CAMK2A: variants seen among roughly 807,000 people sequenced by gnomAD.
The protein encoded by CAMK2A is calcium/calmodulin dependent protein kinase II alpha.
A neutral mutation model predicts 79.2 loss-of-function variants in CAMK2A; 7 were observed. The observed-to-expected ratio is 0.09, with a 90% CI of 0.05 to 0.17. CAMK2A has a LOEUF of 0.17. Ranked by LOEUF, CAMK2A falls within the 10% of genes least tolerant of loss-of-function variation. The probability of loss-of-function intolerance (pLI) is 1.00; values close to 1 mark genes in which losing one functional copy is unlikely to be tolerated. For synonymous variants in CAMK2A, 242 were observed against 251.7 expected (o/e 0.96, Z 0.36); for missense variants, 214 against 646.4 (o/e 0.33, Z 7.25).
rs151010725 is a variant in CAMK2A, at chr5:150,286,104, G to A, written c.62+3460C>T. On this transcript the variant is annotated intron_variant, in intron 1 of 18. Transcript: ENST00000671881. ...CTGAACCCTGGAGCTGGTGCAGCAC[G>A]CCTCCTGCAAGCTTCGGTGCCGCTA... Among the ~76,000 whole-genome samples the A allele has an allele frequency of 3.6e-3, 548 of 152,260 alleles. 2 individuals are homozygous for A. The highest frequency in any genetic ancestry group is 0.011 in the African/African-American group (469 of 41,540).
chr5:150,244,561 G>A (rs998580415), intron 13 of CAMK2A, among the ~76,000 whole-genome samples: 1 of 152,272 alleles, frequency 6.6e-6, no homozygotes, highest in African/African-American at 2.4e-5. Context: ...ACCGCAGGAT[G>A]TGGAGGGACC....
At chr5:150,262,521 C>A (rs1215285420) in intron 3 of CAMK2A, among the ~76,000 whole-genome samples, 1 of 152,156 alleles carries the variant, frequency 6.6e-6, no homozygotes, top group Non-Finnish European at 1.5e-5. Context: ...ATCGCCACCA[C>A]CCCCACTCCC....
chr5:150,234,557 C>T (rs557897096), intron 15 of CAMK2A, among the ~76,000 whole-genome samples: 2 of 152,138 alleles, frequency 1.3e-5, no homozygotes, highest in African/African-American at 2.4e-5. Context: ...GTTGCTGTTC[C>T]GAGTCCTTTA....
chr5:150,231,410 T>C (rs1003391681), intron 15 of CAMK2A, 30 bp from the exon 16 acceptor site: 1 of 236,340 alleles, frequency 4.2e-6, no homozygotes, highest in Non-Finnish European at 6.7e-6. Context: ...ACAGAAATAA[T>C]AATAATAATA....
chr5:150,269,193 A>G (rs962551112), intron 2 of CAMK2A, among the ~76,000 whole-genome samples: 2 of 152,194 alleles, frequency 1.3e-5, no homozygotes, highest in African/African-American at 2.4e-5. Flanking sequence ...GCTTTCCCCA[A>G]TGCCCATGAT....
chr5:150,271,593 G>A lies in CAMK2A; in HGVS notation c.157+1472C>T, dbSNP rs192724025. Among the ~76,000 whole-genome samples the A allele has an allele frequency of 1.8e-4, 27 of 152,176 alleles. No individual in the cohort carries two copies. In the East Asian group the frequency reaches 3.1e-3, roughly 17 times the overall value. ...GCCAGCCCCTCACACAACATCTCCCGCACTGCACAAACCATGGATTGTACA... is the reference window on the plus strand; with the variant it reads ...GCCAGCCCCTCACACAACATCTCCCACACTGCACAAACCATGGATTGTACA... On this transcript the variant is annotated intron_variant, in intron 2 of 18. Coordinates refer to ENST00000671881, the MANE Select transcript of CAMK2A (RefSeq NM_015981.4).
chr5:150,282,591 T>C (rs1024765507), intron 1 of CAMK2A, among the ~76,000 whole-genome samples: 1 of 152,176 alleles, frequency 6.6e-6, no homozygotes, highest in African/African-American at 2.4e-5. Context: ...GGACAGACAC[T>C]GGAGTGTCCA....
intron 1 of CAMK2A, among the ~76,000 whole-genome samples, chr5:150,275,254 C>T (rs555224671): frequency 8.5e-4 from 130 of 152,364 alleles, no homozygotes; most frequent in African/African-American, 3.0e-3. Context: ...CAGCAAGACC[C>T]CAGTCCCCTC....
At chr5:150,245,354 C>T (rs950297467) in intron 12 of CAMK2A, 153 bp from the exon 13 acceptor site, 27 of 574,600 alleles carry the variant, frequency 4.7e-5, no homozygotes, top group Non-Finnish European at 7.5e-5. Flanking sequence ...TCCTCCTCCT[C>T]CTCCTCCTCC....
chr5:150,276,160 G>C (rs777609000), intron 1 of CAMK2A, among the ~76,000 whole-genome samples: 2 of 152,136 alleles, frequency 1.3e-5, no homozygotes, highest in Non-Finnish European at 2.9e-5. Context: ...AAATTACAAG[G>C]GTTTGGGGAG....
At chr5:150,238,822 T>C (rs1047639541) in intron 14 of CAMK2A, 74 bp from the exon 15 acceptor site, 17 of 1,318,848 alleles carry the variant, frequency 1.3e-5, no homozygotes, top group Non-Finnish European at 1.8e-5. Context: ...CCTGGCTGCC[T>C]GGTGACGCGG....
chr5:150,266,634 G>A (rs906952114), intron 2 of CAMK2A, among the ~76,000 whole-genome samples: 2 of 152,112 alleles, frequency 1.3e-5, no homozygotes, highest in African/African-American at 4.8e-5. Context: ...ATCCCGCAGT[G>A]AGCAGTGGAG....
intron 2 of CAMK2A, among the ~76,000 whole-genome samples, chr5:150,267,936 C>T (rs1010904395): frequency 6.7e-6 from 1 of 149,774 alleles, no homozygotes; most frequent in African/African-American, 2.5e-5. Context: ...TGCAGTGACT[C>T]GATCTTGGCT....
Position 150,247,759 on chromosome 5 carries a change from TC to T in CAMK2A, c.943+12del. On this transcript the variant is annotated intron_variant, in intron 12 of 18. Transcript: ENST00000671881. Reference sequence around the variant, plus strand: ...GCAGGGCTTACTGGGGACCCTGAGGTCCTGCCACCTACCGGAGAAGTTCCTG... The same window carrying T: ...GCAGGGCTTACTGGGGACCCTGAGGTCTGCCACCTACCGGAGAAGTTCCTG... 1 of 1,607,668 alleles carries T rather than the reference TC, an allele frequency of 6.2e-7. No individual in the cohort carries two copies. The highest frequency in any genetic ancestry group is 8.5e-7 in the Non-Finnish European group (1 of 1,177,374).
intron 16 of CAMK2A, among the ~76,000 whole-genome samples, chr5:150,228,904 G>C (rs1233643358): frequency 6.6e-6 from 1 of 152,190 alleles, no homozygotes; most frequent in Non-Finnish European, 1.5e-5. Context: ...GGGAGGAGAA[G>C]CACAGGGCAT....
At chr5:150,250,959 C>T in intron 9 of CAMK2A, 149 bp from the exon 10 acceptor site, 4 of 833,120 alleles carry the variant, frequency 4.8e-6, no homozygotes, top group Non-Finnish European at 7.5e-6. Flanking sequence ...CTCCTCACTG[C>T]AGGGGAGGGC....
At chr5:150,257,641 G>A in intron 3 of CAMK2A, 24 bp from the exon 4 acceptor site, 1 of 1,552,742 alleles carries the variant, frequency 6.4e-7, no homozygotes, top group South Asian at 1.2e-5. Context: ...AAGGCAGTTG[G>A]TTACAGTGGG....
intron 13 of CAMK2A, among the ~76,000 whole-genome samples, chr5:150,239,988 G>A (rs1428853453): frequency 6.6e-6 from 1 of 152,162 alleles, no homozygotes; most frequent in African/African-American, 2.4e-5. Flanking sequence ...CGATCTAACA[G>A]CCAAGCTCAT....
chr5:150,243,831 C>T (rs536213196), intron 13 of CAMK2A, among the ~76,000 whole-genome samples: 3 of 152,034 alleles, frequency 2.0e-5, no homozygotes, highest in East Asian at 3.9e-4. Flanking sequence ...AATACCCAGC[C>T]GAGGTCCAGC....
Sources: allele counts gnomAD v4.1 joint callset (sites outside exome capture counted in the v4.1 genomes callset), GRCh38; gene constraint gnomAD v4.1.1; transcripts MANE v1.5; gene names NCBI Gene and HGNC (gene_info 2026-07-23, HGNC 2026-07-21).